SLC9C2: variants seen among roughly 807,000 people sequenced by gnomAD.
The protein encoded by SLC9C2 is sodium/hydrogen exchanger 11.
In SLC9C2, 75 loss-of-function variants were observed where a neutral mutation model predicts 140.2. That is an observed-to-expected ratio of 0.53 (90% CI 0.44 to 0.65). The LOEUF (loss-of-function observed/expected upper bound fraction) is 0.65, where lower values mean the gene tolerates loss of function less well. Among genes scored for constraint, SLC9C2 ranks in the 30% least tolerant of loss-of-function variants. The probability of loss-of-function intolerance (pLI) is 0.00; values close to 1 mark genes in which losing one functional copy is unlikely to be tolerated. For synonymous variants in SLC9C2, 375 were observed against 420.9 expected (o/e 0.89, Z 1.34); for missense variants, 1,074 against 1,331.8 (o/e 0.81, Z 3.01).
In SLC9C2 at chr1:173,568,728, T is replaced by C. The variant is rs532377550; in HGVS notation, c.1046+4454A>G. On this transcript the variant is annotated intron_variant, in intron 9 of 27. Coordinates refer to ENST00000367714, the MANE Select transcript of SLC9C2 (RefSeq NM_178527.4). The stretch of plus-strand genomic sequence containing the variant: ...CAGACAGTGTTATAATTGTCCATGA[T>C]TTTCCATGTACCCACTATTACCAGT... Among the ~76,000 whole-genome samples the C allele has an allele frequency of 2.0e-5, 3 of 152,288 alleles. No homozygotes were observed. The South Asian group carries it at 6.2e-4, about 32-fold the overall frequency.
intron 13 of SLC9C2, among the ~76,000 whole-genome samples, chr1:173,541,460 G>A (rs1421429746): frequency 1.3e-5 from 2 of 151,976 alleles, no homozygotes; most frequent in East Asian, 3.9e-4. Context: ...CAAGACAGAA[G>A]GTTAACAAGG....
chr1:173,544,867 C>G (rs1472314351), intron 13 of SLC9C2, among the ~76,000 whole-genome samples: 1 of 151,898 alleles, frequency 6.6e-6, no homozygotes, highest in Non-Finnish European at 1.5e-5. Flanking sequence ...TGGGGTAGGG[C>G]GATGGGGGAG....
At chr1:173,597,780 A>C in intron 4 of SLC9C2, 124 bp downstream of exon 4, 1 of 1,008,376 alleles carries the variant, frequency 9.9e-7, no homozygotes, top group Non-Finnish European at 1.4e-6. Flanking sequence ...CTATAGAATG[A>C]AGAGGGCAAA....
chr1:173,548,242 T>C, intron 12 of SLC9C2, 147 bp downstream of exon 12: 1 of 796,540 alleles, frequency 1.3e-6, no homozygotes, highest in Non-Finnish European at 2.0e-6. Flanking sequence ...TCAAACTCAT[T>C]TCACCAAAAT....
intron 5 of SLC9C2, among the ~76,000 whole-genome samples, chr1:173,584,684 T>G (rs948645147): frequency 6.6e-6 from 1 of 152,196 alleles, no homozygotes; most frequent in Non-Finnish European, 1.5e-5. Flanking sequence ...TTTATTGAAC[T>G]TGTTGAATCT....
intron 27 of SLC9C2, 127 bp downstream of exon 27, chr1:173,503,139 A>G (rs1659396603): frequency 1.7e-6 from 1 of 605,906 alleles, no homozygotes; most frequent in Non-Finnish European, 2.8e-6. Flanking sequence ...GTCCAAATTA[A>G]TGAGTTGTAG....
intron 13 of SLC9C2, among the ~76,000 whole-genome samples, chr1:173,543,686 T>A (rs890842037): frequency 6.6e-6 from 1 of 152,092 alleles, no homozygotes; most frequent in African/African-American, 2.4e-5. Context: ...AACAGAGGCA[T>A]CAGAAATAAC....
chr1:173,584,759 C>G (rs1285663786), intron 5 of SLC9C2, among the ~76,000 whole-genome samples: 1 of 152,082 alleles, frequency 6.6e-6, no homozygotes, highest in African/African-American at 2.4e-5. Flanking sequence ...TTTTGTTCCT[C>G]CCTCTCTTTT....
chr1:173,582,097 G>T (rs907996332), intron 6 of SLC9C2, 89 bp from the exon 7 acceptor site: 5 of 1,072,314 alleles, frequency 4.7e-6, no homozygotes, highest in Non-Finnish European at 6.3e-6. Flanking sequence ...TTTGCACTTT[G>T]GTTTGCTTGT....
intron 9 of SLC9C2, among the ~76,000 whole-genome samples, chr1:173,569,451 G>A (rs962591149): frequency 2.0e-5 from 3 of 151,880 alleles, no homozygotes; most frequent in African/African-American, 2.4e-5. Context: ...AATCTGCTCA[G>A]CGTTCTACAA....
intron 11 of SLC9C2, among the ~76,000 whole-genome samples, chr1:173,552,938 A>G (rs1417130389): frequency 6.6e-6 from 1 of 152,150 alleles, no homozygotes; most frequent in African/African-American, 2.4e-5. Flanking sequence ...TCAATAAAAA[A>G]CCTCATGGAT....
At chr1:173,522,927 C>T (rs533247747) in intron 21 of SLC9C2, among the ~76,000 whole-genome samples, 2 of 152,330 alleles carry the variant, frequency 1.3e-5, no homozygotes, top group African/African-American at 4.8e-5. Flanking sequence ...CTTCAAATGT[C>T]ACCTTATTAG....
chr1:173,552,524 ATACT>A (rs1337272997), intron 11 of SLC9C2, among the ~76,000 whole-genome samples: 1 of 152,242 alleles, frequency 6.6e-6, no homozygotes, highest in Non-Finnish European at 1.5e-5. Flanking sequence ...GTTGAAGCCA[ATACT>A]TACTTATCAT....
chr1:173,558,231 C>A (rs914609065), intron 9 of SLC9C2, among the ~76,000 whole-genome samples: 3 of 152,144 alleles, frequency 2.0e-5, no homozygotes, highest in Non-Finnish European at 2.9e-5. Context: ...TTAGAGAATT[C>A]CTGTCATTGA....
intron 7 of SLC9C2, among the ~76,000 whole-genome samples, chr1:173,578,748 T>A (rs761440629): frequency 6.6e-6 from 1 of 152,200 alleles, no homozygotes; most frequent in East Asian, 1.9e-4. Flanking sequence ...ATAGCTGGTA[T>A]TCTCTCTGTG....
At chr1:173,544,554 C>A (rs1252478239) in intron 13 of SLC9C2, among the ~76,000 whole-genome samples, 1 of 152,140 alleles carries the variant, frequency 6.6e-6, no homozygotes, top group Non-Finnish European at 1.5e-5. Context: ...AAGATACATG[C>A]AAACTCTGTT....
chr1:173,568,612 G>A (rs1664647879), intron 9 of SLC9C2, among the ~76,000 whole-genome samples: 1 of 152,138 alleles, frequency 6.6e-6, no homozygotes, highest in Admixed American at 6.5e-5. Flanking sequence ...TGTCTTTATA[G>A]TAAAATGATT....
rs1023611086 is a variant in SLC9C2, at chr1:173,597,784, G to A, written c.357+120C>T. 9 of 1,062,652 alleles carry A rather than the reference G, an allele frequency of 8.5e-6. No individual in the cohort carries two copies. In the African/African-American group the frequency reaches 1.5e-4, roughly 17 times the overall value. 65.8% of individuals were successfully genotyped at this position (1,062,652 alleles called of 1,614,324 possible). A position where few individuals can be genotyped will look rare whatever the true frequency, so the allele number is the denominator to read the frequency against. ...AGTTAGTAGTTCTATAGAATGAAGA[G>A]GGCAAAACAAATAAAATATGACATT... On this transcript the variant is annotated intron_variant, in intron 4 of 27. Transcript: ENST00000367714.
At position 173,534,583 on chromosome 1, in the gene SLC9C2, T is replaced by A; in HGVS notation, c.1875A>T (p.Ile625=). The A allele has an allele frequency of 6.3e-7, 1 of 1,596,718 alleles. No individual in the cohort carries two copies. Among genetic ancestry groups the A allele is most frequent in the Admixed American group, 1.8e-5 (1 of 56,778 alleles). ...IINLIYIYPM[I]IHLWPMARGL... ...CTCTTGCCATTGGCCACAGATGTAT[T>A]ATCATAGGATAAATATATATCAAAT... The change falls in exon 16 of 28, where the codon ATA becomes ATT. Residue 625 remains isoleucine, a synonymous_variant. Coordinates refer to ENST00000367714, the MANE Select transcript of SLC9C2 (RefSeq NM_178527.4).
Sources: gnomAD v4.1 joint callset for allele counts (sites outside exome capture counted in the v4.1 genomes callset) on GRCh38, gnomAD v4.1.1 for gene constraint, MANE v1.5 for transcripts, NCBI Gene and HGNC (gene_info 2026-07-23, HGNC 2026-07-21) for gene names.